Variants in LRRTM4 observed in about 807,000 individuals in gnomAD.
The protein encoded by LRRTM4 is leucine-rich repeat transmembrane neuronal protein 4.
Under a neutral mutation model 47.6 loss-of-function variants are expected in LRRTM4, and 25 were observed. The observed-to-expected ratio is 0.53, with a 90% CI of 0.38 to 0.73. LRRTM4 has a LOEUF of 0.73. Among genes scored for constraint, LRRTM4 ranks in the 30% least tolerant of loss-of-function variants. LRRTM4 has a pLI of 0.00. For synonymous variants in LRRTM4, 311 were observed against 269.5 expected (o/e 1.15, Z -1.51); for missense variants, 638 against 713.4 (o/e 0.89, Z 1.20).
chr2:77,383,429 C>T (rs888668826), intron 3 of LRRTM4, among the ~76,000 whole-genome samples: 4 of 152,096 alleles, frequency 2.6e-5, no homozygotes, highest in East Asian at 1.9e-4. Context: ...CTTTCTTATA[C>T]GTGTTCCTTT....
chr2:76,850,017 A>C (rs1476015574), intron 3 of LRRTM4, among the ~76,000 whole-genome samples: 2 of 151,946 alleles, frequency 1.3e-5, no homozygotes, highest in East Asian at 3.9e-4. Context: ...TCATGTGTAT[A>C]AGTGGCTTAT....
intron 3 of LRRTM4, among the ~76,000 whole-genome samples, chr2:77,234,194 C>A (rs980867228): frequency 2.6e-5 from 4 of 152,066 alleles, no homozygotes; most frequent in Admixed American, 2.6e-4. Context: ...TTATGAAAAC[C>A]CAAATCATAT....
In LRRTM4 at chr2:77,021,169, C is replaced by CAT. The variant is rs202234871; in HGVS notation, c.1552-272255_1552-272254dup. ...CTATTGCCTTATCTATATGTATAGC[C>CAT]ATATATATGTATATAATCAGTGATA... On this transcript the variant is annotated intron_variant, in intron 3 of 3. Transcript: ENST00000409884. 7.9e-3 allele frequency among the ~76,000 whole-genome samples: 1,198 copies of CAT among 151,820 alleles called. 17 individuals are homozygous for CAT. Among genetic ancestry groups the CAT allele is most frequent in the African/African-American group, 0.028 (1,150 of 41,350 alleles).
Position 76,749,455 on chromosome 2 carries a change from TC to T in LRRTM4, c.1552-540del, listed in dbSNP as rs1280592102. ...TACACAATTGAAATCTTTACTATCA[TC>T]ATGTGTAACTTTTATTTAGTTTTAA... is the stretch of plus-strand genomic sequence containing the variant. On this transcript the variant is annotated intron_variant, in intron 3 of 3. Transcript: ENST00000409884. 2.6e-5 allele frequency among the ~76,000 whole-genome samples: 4 copies of T among 152,278 alleles called. No homozygotes were observed. In the East Asian group the frequency reaches 7.7e-4, roughly 29 times the overall value.
chr2:77,318,160 C>A (rs1392463166), intron 3 of LRRTM4, among the ~76,000 whole-genome samples: 2 of 151,884 alleles, frequency 1.3e-5, no homozygotes, highest in Non-Finnish European at 2.9e-5. Context: ...GCGCCCGCCA[C>A]CACGCCCCGC....
At chr2:77,052,801 G>T (rs544625340) in intron 3 of LRRTM4, among the ~76,000 whole-genome samples, 1 of 151,846 alleles carries the variant, frequency 6.6e-6, no homozygotes, top group Non-Finnish European at 1.5e-5. Context: ...TACAAAGGAC[G>T]CTGACACAGA....
intron 3 of LRRTM4, among the ~76,000 whole-genome samples, chr2:77,512,013 A>C (rs1679034390): frequency 6.6e-6 from 1 of 152,144 alleles, no homozygotes; most frequent in Admixed American, 6.6e-5. Context: ...GAGGCTATTC[A>C]TAGGCTCAAA....
chr2:77,321,907 T>G (rs1677804750), intron 3 of LRRTM4, among the ~76,000 whole-genome samples: 1 of 152,174 alleles, frequency 6.6e-6, no homozygotes, highest in African/African-American at 2.4e-5. Context: ...CTACATAGCT[T>G]TGTTGTGAAT....
intron 3 of LRRTM4, among the ~76,000 whole-genome samples, chr2:77,505,517 C>T (rs1359375991): frequency 6.6e-6 from 1 of 151,128 alleles, no homozygotes; most frequent in Non-Finnish European, 1.5e-5. Flanking sequence ...AAGTTAGAAA[C>T]AAAAAAATTG....
In LRRTM4 at chr2:77,441,320, A is replaced by G. The variant is rs10183575; in HGVS notation, c.1551+76998T>C. On this transcript the variant is annotated intron_variant, in intron 3 of 3. Coordinates refer to ENST00000409884, the MANE Select transcript of LRRTM4 (RefSeq NM_001134745.3). ...AGTAACTCATCTTTGAAGATGCTCA[A>G]AAAAATACTTGTTGAACAAATATAT... Among the ~76,000 whole-genome samples, 236 of 152,326 alleles carry G rather than the reference A, an allele frequency of 1.5e-3. 2 individuals carry two copies. The highest frequency in any genetic ancestry group is 5.3e-3 in the African/African-American group (221 of 41,580).
intron 3 of LRRTM4, among the ~76,000 whole-genome samples, chr2:77,347,881 T>C (rs1207524053): frequency 6.6e-6 from 1 of 152,060 alleles, no homozygotes; most frequent in African/African-American, 2.4e-5. Context: ...TTTCTTTATA[T>C]ATCTACTTAT....
At chr2:77,103,647 G>GTGTATATATATATATATA (rs1553389655) in intron 3 of LRRTM4, among the ~76,000 whole-genome samples, 4 of 124,118 alleles carry the variant, frequency 3.2e-5, no homozygotes, top group African/African-American at 1.3e-4. Flanking sequence ...ATACATGAGT[G>GTGTATATATATATATATA]TATATATATA....
chr2:77,224,587 T>C (rs1222632658), intron 3 of LRRTM4, among the ~76,000 whole-genome samples: 1 of 152,190 alleles, frequency 6.6e-6, no homozygotes, highest in East Asian at 1.9e-4. Flanking sequence ...AAGACATTTA[T>C]GCAGCCAAAA....
rs1396648231 is a variant in LRRTM4, at chr2:77,518,822, C to A, written c.1047G>T (p.Lys349Asn). 1.9e-6 allele frequency: 3 copies of A among 1,610,920 alleles called. No homozygotes were observed. Among genetic ancestry groups the A allele is most frequent in the Non-Finnish European group, 2.5e-6 (3 of 1,178,382 alleles). ...CAGPKHIQGE[K>N]VSDAVETYNI... ...TATATGTTTCCACTGCATCACTAAC[C>A]TTTTCACCCTGGATGTGCTTAGGTC... Residue 349 changes from lysine to asparagine, a missense_variant, in exon 3 of 4, where the codon AAG becomes AAT. Transcript: ENST00000409884.
At chr2:76,774,428 G>A (rs11683627) in intron 3 of LRRTM4, among the ~76,000 whole-genome samples, 4,480 of 152,164 alleles carry the variant, frequency 0.029, 97 homozygotes, top group South Asian at 0.11. Context: ...CTGACCTCGT[G>A]ATCTGCCTGC....
chr2:77,000,796 G>A (rs1363837105), intron 3 of LRRTM4, among the ~76,000 whole-genome samples: 1 of 148,438 alleles, frequency 6.7e-6, no homozygotes, highest in Non-Finnish European at 1.5e-5. Flanking sequence ...TCATCAGGAA[G>A]ATTCCTTTTT....
chr2:77,076,190 C>T (rs1466440959), intron 3 of LRRTM4, among the ~76,000 whole-genome samples: 1 of 152,072 alleles, frequency 6.6e-6, no homozygotes, highest in African/African-American at 2.4e-5. Flanking sequence ...AATGGCTTGT[C>T]ACCAAGTTAC....
At position 77,518,904 on chromosome 2, in the gene LRRTM4, A is replaced by C. The variant is rs1287064212; in HGVS notation, c.965T>G (p.Leu322Ter). Residue 322 changes from leucine (L) to a stop codon, truncating the protein, a stop_gained, in exon 3 of 4, where the codon TTA (leucine) becomes TGA (stop). Transcript: ENST00000409884. LOFTEE classifies it high-confidence loss of function. ...TTTGAAATTCTTAAGCCAATAAAAT[A>C]AAGGACAAATGCTCCGACTGCATTC... The part of the protein sequence containing the change: ...MWECSRSICP[L>*]FYWLKNFKGN... The C allele has an allele frequency of 6.2e-7, 1 of 1,607,026 alleles. No homozygotes were observed. The highest frequency in any genetic ancestry group is 1.7e-5 in the Admixed American group (1 of 58,990).
At chr2:76,875,350 A>G (rs1672747522) in intron 3 of LRRTM4, among the ~76,000 whole-genome samples, 1 of 152,038 alleles carries the variant, frequency 6.6e-6, no homozygotes, top group African/African-American at 2.4e-5. Flanking sequence ...TAATACTTCT[A>G]TATGGTTTAC....
Sources: allele counts gnomAD v4.1 joint callset (sites outside exome capture counted in the v4.1 genomes callset), GRCh38; gene constraint gnomAD v4.1.1; transcripts MANE v1.5; gene names NCBI Gene and HGNC (gene_info 2026-07-23, HGNC 2026-07-21).